IGSF6: variants seen among roughly 807,000 people sequenced by gnomAD.
IGSF6 encodes the protein immunoglobulin superfamily member 6.
IGSF6 carries 23 observed loss-of-function variants against 24.7 expected under a neutral mutation model. The ratio of observed to expected loss-of-function variants is 0.93; its 90% confidence interval spans 0.67 to 1.32. The LOEUF (loss-of-function observed/expected upper bound fraction) is 1.32, where lower values mean the gene tolerates loss of function less well. IGSF6 is among the 40% of genes most tolerant of loss of function. The probability of loss-of-function intolerance (pLI) is 0.00; values close to 1 mark genes in which losing one functional copy is unlikely to be tolerated. For synonymous variants in IGSF6, 110 were observed against 113.7 expected, an observed-to-expected ratio of 0.97 and a Z score of 0.21; for missense variants, 295 against 293.6, an observed-to-expected ratio of 1.00 and a Z score of -0.04.
rs1966263322 is a variant in IGSF6 at position 21,641,392 on chromosome 16, C to T, written c.*142G>A. The T allele has an allele frequency of 6.3e-6, 3 of 475,822 alleles. No individual in the cohort carries two copies. The highest frequency in any genetic ancestry group is 1.1e-5 in the Non-Finnish European group (3 of 264,750). 29.5% of individuals were successfully genotyped at this position (475,822 alleles called of 1,614,324 possible). A position where few individuals can be genotyped will look rare whatever the true frequency, so the allele number is the denominator to read the frequency against. ...ATGACTATTAGTTATAGTTTCCTTA[C>T]ATTCTGACATCCTTCTTTGTAGCCA... On this transcript the variant is annotated 3_prime_UTR_variant, in exon 6 of 6. Coordinates refer to ENST00000268389, the MANE Select transcript of IGSF6 (RefSeq NM_005849.4).
intron 3 of IGSF6, 40 bp downstream of exon 3, chr16:21,644,250 A>C: frequency 7.5e-7 from 1 of 1,336,190 alleles, no homozygotes. Flanking sequence ...GATAATATTC[A>C]AGGATATAGG....
chr16:21,651,164 A>G (rs1339686542), intron 1 of IGSF6, among the ~76,000 whole-genome samples: 5 of 152,172 alleles, frequency 3.3e-5, no homozygotes, highest in Non-Finnish European at 7.4e-5. Flanking sequence ...CGGAGCTTGC[A>G]GTGAGCCGAG....
At chr16:21,650,796 C>G (rs1052417138) in intron 1 of IGSF6, among the ~76,000 whole-genome samples, 2 of 152,162 alleles carry the variant, frequency 1.3e-5, no homozygotes, top group African/African-American at 4.8e-5. Flanking sequence ...ACACCACAGC[C>G]TGCTTCTGTG....
At position 21,647,245 on chromosome 16, in the gene IGSF6, T is replaced by C. The variant is rs1383328512; in HGVS notation, c.315A>G (p.Val105=). 1.1e-5 allele frequency: 18 copies of C among 1,614,090 alleles called. No homozygotes were observed. In the Admixed American group the frequency reaches 1.7e-4, roughly 15 times the overall value. ...ALKENQVSLT[V]NRVTSNDSAI... ...CACTGTCATTTGAAGTCACTCTGTT[T>C]ACAGTGAGGGAAACTTGGTTTTCTT... Residue 105 remains valine (V), a synonymous_variant, in exon 2 of 6, where the codon GTA becomes GTG. Coordinates refer to ENST00000268389, the MANE Select transcript of IGSF6 (RefSeq NM_005849.4).
chr16:21,643,275 C>A, intron 4 of IGSF6, 121 bp from the exon 5 acceptor site: 2 of 719,272 alleles, frequency 2.8e-6, no homozygotes, highest in South Asian at 1.6e-5. Context: ...CCTCCCCCAA[C>A]ACATATGTGC....
rs2141608674 is a variant in IGSF6 at position 21,640,719 on chromosome 16, AT to A, written c.*814del. 6.8e-6 allele frequency: 1 copy of A among 147,446 alleles called. No individual in the cohort carries two copies. Among genetic ancestry groups the A allele is most frequent in the East Asian group, 2.0e-4 (1 of 5,044 alleles). 9.1% of individuals were successfully genotyped at this position (147,446 alleles called of 1,614,324 possible). A position where few individuals can be genotyped will look rare whatever the true frequency, so the allele number is the denominator to read the frequency against. On this transcript the variant is annotated 3_prime_UTR_variant, in exon 6 of 6. Transcript: ENST00000268389. ...GAGGTGGAGGTTGTAGTGAGCCGAG[AT>A]TGCACCACTGCACTCCACCCTGGGC... is the stretch of plus-strand genomic sequence containing the variant.
chr16:21,644,812 G>A (rs956024021), intron 2 of IGSF6, among the ~76,000 whole-genome samples: 3 of 152,160 alleles, frequency 2.0e-5, no homozygotes, highest in Non-Finnish European at 4.4e-5. Flanking sequence ...ATATGTATTT[G>A]TTAAGGGTGA....
intron 1 of IGSF6, chr16:21,652,284 C>T (rs1966597286): frequency 2.7e-6 from 1 of 365,912 alleles, no homozygotes; most frequent in Non-Finnish European, 4.8e-6. Flanking sequence ...TATTTTCAAC[C>T]CTTTGGTCAG....
chr16:21,650,612 A>T (rs1391771928), intron 1 of IGSF6, among the ~76,000 whole-genome samples: 2 of 152,104 alleles, frequency 1.3e-5, no homozygotes, highest in Admixed American at 1.3e-4. Flanking sequence ...GGTATTTGTA[A>T]CTTTGGAATT....
In IGSF6 at chr16:21,640,114, T is replaced by C. The variant is rs1484632573; in HGVS notation, c.*1420A>G. ...CACCAAACCCCGCTAAATTTTTTTG[T>C]ATTTTTAGTAGAGACGGGTTTCATC... is the stretch of plus-strand genomic sequence containing the variant. On this transcript the variant is annotated 3_prime_UTR_variant, in exon 6 of 6. Coordinates refer to ENST00000268389, the MANE Select transcript of IGSF6 (RefSeq NM_005849.4). The C allele has an allele frequency of 1.3e-5, 2 of 149,466 alleles. No individual in the cohort carries two copies. Among genetic ancestry groups the C allele is most frequent in the Admixed American group, 6.6e-5 (1 of 15,176 alleles). 9.3% of individuals were successfully genotyped at this position (149,466 alleles called of 1,614,324 possible).
chr16:21,640,307 C>A lies in IGSF6; in HGVS notation c.*1227G>T, dbSNP rs755269582. On this transcript the variant is annotated 3_prime_UTR_variant, in exon 6 of 6. Transcript: ENST00000268389. ...TGTAATTTGTGTCTAATAATGAATG[C>A]ATACTTATGGGCACTTTAGATTTTT... 1 of 151,962 alleles carries A rather than the reference C, an allele frequency of 6.6e-6. No homozygotes were observed. The allele number at this position is 151,962 out of a possible 1,614,324, so 9.4% of individuals were successfully genotyped here.
intron 1 of IGSF6, among the ~76,000 whole-genome samples, chr16:21,649,623 G>A (rs1966517074): frequency 6.6e-6 from 1 of 152,172 alleles, no homozygotes; most frequent in Non-Finnish European, 1.5e-5. Flanking sequence ...GTTAAGCACT[G>A]TCTCAGTCTC....
At chr16:21,641,839 C>G (rs966601182) in intron 5 of IGSF6, among the ~76,000 whole-genome samples, 10 of 152,044 alleles carry the variant, frequency 6.6e-5, no homozygotes, top group Admixed American at 6.5e-4. Flanking sequence ...TTACAATTCT[C>G]ACTTCTAAGA....
intron 1 of IGSF6, among the ~76,000 whole-genome samples, chr16:21,649,759 C>A (rs930056270): frequency 6.6e-6 from 1 of 152,104 alleles, no homozygotes; most frequent in African/African-American, 2.4e-5. Context: ...AACTGGAATG[C>A]AGTGGTGTGA....
intron 2 of IGSF6, among the ~76,000 whole-genome samples, chr16:21,646,116 T>A (rs1488572465): frequency 6.6e-6 from 1 of 151,850 alleles, no homozygotes; most frequent in East Asian, 1.9e-4. Context: ...TGTTCTCTTT[T>A]TTCCTTCAGA....
In IGSF6 at chr16:21,640,199, A is replaced by G. The variant is rs1966213087; in HGVS notation, c.*1335T>C. The G allele has an allele frequency of 6.6e-6, 1 of 151,990 alleles. No individual in the cohort carries two copies. The highest frequency in any genetic ancestry group is 1.5e-5 in the Non-Finnish European group (1 of 68,004). 9.4% of individuals were successfully genotyped at this position (151,990 alleles called of 1,614,324 possible). On this transcript the variant is annotated 3_prime_UTR_variant, in exon 6 of 6. Coordinates refer to ENST00000268389, the MANE Select transcript of IGSF6 (RefSeq NM_005849.4). The stretch of plus-strand genomic sequence containing the variant: ...ATGATTCACCTGCCTCAGCCTCCCA[A>G]AGTGTTGGGATTACAGGCGTGAGCC...
intron 1 of IGSF6, among the ~76,000 whole-genome samples, chr16:21,650,078 T>C (rs540456644): frequency 6.6e-6 from 1 of 152,208 alleles, no homozygotes; most frequent in East Asian, 1.9e-4. Context: ...AGCCCAGGAA[T>C]TCCAGGCTGC....
chr16:21,643,895 C>T (rs372032854), intron 3 of IGSF6, among the ~76,000 whole-genome samples: 28 of 152,058 alleles, frequency 1.8e-4, no homozygotes, highest in African/African-American at 5.6e-4. Flanking sequence ...GATTTTAAGG[C>T]GGCTTTTAGT....
chr16:21,647,161 T>C lies in IGSF6; in HGVS notation c.399A>G (p.Thr133=), dbSNP rs755732200. Residue 133 remains threonine, a synonymous_variant, in exon 2 of 6, where the codon ACA becomes ACG. Coordinates refer to ENST00000268389, the MANE Select transcript of IGSF6 (RefSeq NM_005849.4). ...PSVPEARAKQ[T]GGGTTLVVRE... Reference sequence around the variant, plus strand: ...TTACCACCAGTGTGGTCCCTCCTCCTGTCTGTTTAGCTCTCGCTTCCGGCA... The same window carrying C: ...TTACCACCAGTGTGGTCCCTCCTCCCGTCTGTTTAGCTCTCGCTTCCGGCA... 10 of 1,614,086 alleles carry C rather than the reference T, an allele frequency of 6.2e-6. No homozygotes were observed. The East Asian group carries it at 2.2e-4, about 36-fold the overall frequency.
Sources: allele counts gnomAD v4.1 joint callset (sites outside exome capture counted in the v4.1 genomes callset), GRCh38; gene constraint gnomAD v4.1.1; transcripts MANE v1.5; gene names NCBI Gene and HGNC (gene_info 2026-07-23, HGNC 2026-07-21).